The following RRH variants were observed in gnomAD, a reference collection of about 807,000 sequenced individuals.
The protein encoded by RRH is retinal pigment epithelium-derived rhodopsin homolog, also known as visual pigment-like receptor peropsin.
A neutral mutation model predicts 33.1 loss-of-function variants in RRH; 36 were observed. That is an observed-to-expected ratio of 1.09 (90% CI 0.83 to 1.44). RRH has a LOEUF of 1.44. Ranked by LOEUF, RRH falls within the 40% of genes most tolerant of loss-of-function variation. The pLI, the probability that RRH is intolerant of heterozygous loss-of-function variation, is 0.00. For missense variants in RRH, 393 were observed against 420.2 expected (o/e 0.94, Z 0.57); for synonymous variants, 124 against 140.2 (o/e 0.88, Z 0.82).
rs138163669 is a variant in RRH, at chr4:109,842,571, A to G, written c.823A>G (p.Met275Val). Residue 275 changes from methionine to valine, a missense_variant, in exon 6 of 7, where the codon ATG becomes GTG. Physicochemically the swap from Met to Val is conservative, Grantham distance 21. Transcript: ENST00000317735. ...TGACCCAAAGAAGATTCCTCCCCCC[A>G]TGGCCATCATAGCTCCACTGTTTGC... is the stretch of plus-strand genomic sequence containing the variant. ...FGDPKKIPPP[M>V]AIIAPLFAKS... The G allele has an allele frequency of 1.4e-4, 230 of 1,613,620 alleles. No homozygotes were observed. Among genetic ancestry groups the G allele is most frequent in the Non-Finnish European group, 1.8e-4 (216 of 1,179,730 alleles).
At chr4:109,842,730 G>A in intron 6 of RRH, 83 bp downstream of exon 6, 1 of 1,220,616 alleles carries the variant, frequency 8.2e-7, no homozygotes, top group Non-Finnish European at 1.2e-6. Flanking sequence ...AGAAGTGACA[G>A]AAACCCACTT....
Position 109,828,099 on chromosome 4 carries a change from A to G in RRH, c.72A>G (p.Glu24=), listed in dbSNP as rs757942943. 7 of 1,612,252 alleles carry G rather than the reference A, an allele frequency of 4.3e-6. No homozygotes were observed. Among genetic ancestry groups the G allele is most frequent in the Non-Finnish European group, 5.9e-6 (7 of 1,178,404 alleles). Residue 24 remains glutamate, a synonymous_variant, in exon 1 of 7, where the codon GAA becomes GAG. Coordinates refer to ENST00000317735, the MANE Select transcript of RRH (RefSeq NM_006583.5). ...NEDGSVFSQT[E]HNIVATYLIM... is the part of the protein sequence containing the mutation. The stretch of plus-strand genomic sequence containing the variant: ...ATGGCTCGGTCTTTTCACAGACTGA[A>G]CACAATATTGTTGCAACTTACTTGA...
intron 1 of RRH, among the ~76,000 whole-genome samples, chr4:109,829,817 GTGT>G (rs1438410122): frequency 6.6e-6 from 1 of 152,148 alleles, no homozygotes; most frequent in Non-Finnish European, 1.5e-5. Flanking sequence ...CAATGAGTGT[GTGT>G]TGTTTGTGTT....
In RRH at chr4:109,842,523, G is replaced by A. The variant is rs775902170; in HGVS notation, c.775G>A (p.Val259Met). The change falls in exon 6 of 7, where the codon GTG becomes ATG. Residue 259 changes from valine (V) to methionine (M), a missense_variant. Transcript: ENST00000317735. ...FLVAWSPYSI[V>M]CLWASFGDPK... Reference sequence around the variant, plus strand: ...GGTGGCATGGTCCCCTTATTCCATCGTGTGCTTATGGGCTTCTTTTGGTGA... The same window carrying A: ...GGTGGCATGGTCCCCTTATTCCATCATGTGCTTATGGGCTTCTTTTGGTGA... 11 of 1,613,728 alleles carry A rather than the reference G, an allele frequency of 6.8e-6. No individual in the cohort carries two copies. The highest frequency in any genetic ancestry group is 5.3e-5 in the African/African-American group (4 of 74,822).
intron 5 of RRH, among the ~76,000 whole-genome samples, chr4:109,841,088 A>G (rs1457158800): frequency 6.6e-6 from 1 of 152,174 alleles, no homozygotes; most frequent in East Asian, 1.9e-4. Context: ...ATTACACATG[A>G]TGCAGATAAT....
intron 1 of RRH, among the ~76,000 whole-genome samples, chr4:109,829,971 A>G (rs1446462489): frequency 6.6e-6 from 1 of 152,056 alleles, no homozygotes; most frequent in Admixed American, 6.6e-5. Flanking sequence ...CAAAACCAAA[A>G]CTATGAGGAA....
Position 109,835,540 on chromosome 4 carries a change from A to C in RRH, c.397+75A>C. 3 of 1,018,008 alleles carry C rather than the reference A, an allele frequency of 2.9e-6. No individual in the cohort carries two copies. In the South Asian group the frequency reaches 3.8e-5, roughly 13 times the overall value. The allele number at this position is 1,018,008 out of a possible 1,614,324, so 63.1% of individuals were successfully genotyped here. ...GCCACTCAATATATATATACGCTAA[A>C]ATATAAACCTAATGGTTTGTAGTTA... is the stretch of plus-strand genomic sequence containing the variant. On this transcript the variant is annotated intron_variant, in intron 3 of 6. Transcript: ENST00000317735.
At chr4:109,843,935 G>A in intron 6 of RRH, 148 bp from the exon 7 acceptor site, 1 of 633,476 alleles carries the variant, frequency 1.6e-6, no homozygotes, top group Non-Finnish European at 2.9e-6. Flanking sequence ...TATTTATAAA[G>A]GTTCTCAACA....
chr4:109,842,149 C>G (rs2125894540), intron 5 of RRH, among the ~76,000 whole-genome samples: 2 of 152,112 alleles, frequency 1.3e-5, no homozygotes, highest in Middle Eastern at 6.8e-3. Flanking sequence ...TTTTATCTGT[C>G]TTTCATCAAA....
intron 5 of RRH, 144 bp from the exon 6 acceptor site, chr4:109,842,323 GAA>G: frequency 1.3e-6 from 1 of 741,790 alleles, no homozygotes; most frequent in South Asian, 1.9e-5. Context: ...ATTGAAGGCA[GAA>G]AAAAAACTCA....
intron 1 of RRH, among the ~76,000 whole-genome samples, chr4:109,832,773 G>A (rs1733785186): frequency 6.6e-6 from 1 of 151,796 alleles, no homozygotes; most frequent in Non-Finnish European, 1.5e-5. Context: ...AGGAAGAGGA[G>A]GAAGTTAAGC....
At chr4:109,835,919 A>T in intron 3 of RRH, 88 bp from the exon 4 acceptor site, 1 of 1,511,040 alleles carries the variant, frequency 6.6e-7, no homozygotes, top group Non-Finnish European at 9.2e-7. Context: ...TAAAGAATCT[A>T]CTTGATAACA....
intron 5 of RRH, 144 bp downstream of exon 5, chr4:109,837,749 A>G (rs1445088447): frequency 2.9e-6 from 2 of 698,636 alleles, no homozygotes; most frequent in Non-Finnish European, 5.0e-6. Flanking sequence ...TTGCTTCCTC[A>G]TTTCTTTTTT....
rs1733673349 is a variant in RRH, at chr4:109,828,107, T to C, written c.80T>C (p.Ile27Thr). Reference protein sequence around the residue: ...GSVFSQTEHNIVATYLIMAGM... With the variant: ...GSVFSQTEHNTVATYLIMAGM... ...GTCTTTTCACAGACTGAACACAATA[T>C]TGTTGCAACTTACTTGATTATGGCA... Residue 27 changes from isoleucine (I) to threonine (T), a missense_variant, in exon 1 of 7, where the codon ATT (isoleucine) becomes ACT (threonine). By Grantham distance (89) the Ile-to-Thr change is moderately conservative. Transcript: ENST00000317735. The C allele has an allele frequency of 6.2e-7, 1 of 1,611,260 alleles. No homozygotes were observed. Among genetic ancestry groups the C allele is most frequent in the Non-Finnish European group, 8.5e-7 (1 of 1,177,556 alleles).
At chr4:109,833,439 T>TA (rs1733805294) in intron 2 of RRH, 110 bp downstream of exon 2, 2 of 850,384 alleles carry the variant, frequency 2.4e-6, no homozygotes, top group East Asian at 2.7e-5. Flanking sequence ...GAATAATAGA[T>TA]ACAGTGCTTT....
At chr4:109,830,218 T>G (rs13129184) in intron 1 of RRH, among the ~76,000 whole-genome samples, 35,441 of 151,668 alleles carry the variant, frequency 0.23, 5,138 homozygotes, top group East Asian at 0.43. Flanking sequence ...AATCATTATG[T>G]TTGAACTGTA....
Position 109,833,288 on chromosome 4 carries a change from G to C in RRH, c.256G>C (p.Asp86His). The C allele has an allele frequency of 6.2e-7, 1 of 1,614,074 alleles. No individual in the cohort carries two copies. The highest frequency in any genetic ancestry group is 1.1e-5 in the South Asian group (1 of 91,078). Residue 86 changes from aspartate to histidine, a missense_variant, in exon 2 of 7, where the codon GAT becomes CAT. Physicochemically the swap from Asp to His is moderately conservative, Grantham distance 81. Transcript: ENST00000317735. Reference sequence around the variant, plus strand: ...TGGCTATCCCATGTCTGCTGCCTCAGATCTGTATGGAAGTTGGAAATTTGG... The same window carrying C: ...TGGCTATCCCATGTCTGCTGCCTCACATCTGTATGGAAGTTGGAAATTTGG... ...SIGYPMSAAS[D>H]LYGSWKFGYA... is the part of the protein sequence containing the mutation.
intron 2 of RRH, among the ~76,000 whole-genome samples, chr4:109,833,590 G>T (rs1486024240): frequency 6.6e-6 from 1 of 152,074 alleles, no homozygotes; most frequent in Non-Finnish European, 1.5e-5. Flanking sequence ...AAGGAGAAGA[G>T]TGCTGATTTG....
At chr4:109,832,973 G>T (rs1345190024) in intron 1 of RRH, among the ~76,000 whole-genome samples, 166 bp from the exon 2 acceptor site, 1 of 152,202 alleles carries the variant, frequency 6.6e-6, no homozygotes, top group Non-Finnish European at 1.5e-5. Context: ...TCACAGAAGG[G>T]ATGTGAAGAT....
Sources: gnomAD v4.1 joint callset for allele counts (sites outside exome capture counted in the v4.1 genomes callset) on GRCh38, gnomAD v4.1.1 for gene constraint, MANE v1.5 for transcripts, NCBI Gene and HGNC (gene_info 2026-07-23, HGNC 2026-07-21) for gene names.